The following MRPS23 variants were observed in gnomAD, a reference collection of about 807,000 sequenced individuals.
MRPS23 encodes the protein mitochondrial ribosomal protein S23, also known as small ribosomal subunit protein mS23.
Under a neutral mutation model 19.8 loss-of-function variants are expected in MRPS23, and 14 were observed. That is an observed-to-expected ratio of 0.71 (90% confidence interval 0.47 to 1.11). The LOEUF is 1.11. Ranked by LOEUF, MRPS23 falls within the 50% of genes least tolerant of loss-of-function variation. The pLI is 0.00. For missense variants in MRPS23, 242 were observed against 236.7 expected (o/e 1.02, Z -0.15); for synonymous variants, 113 against 89.7 (o/e 1.26, Z -1.47).
At chr17:57,843,959 T>C (rs748572655) in intron 2 of MRPS23, among the ~76,000 whole-genome samples, 2 of 152,164 alleles carry the variant, frequency 1.3e-5, no homozygotes, top group Non-Finnish European at 2.9e-5. Flanking sequence ...TATTTTCTTT[T>C]TATGGCTTCT....
intron 2 of MRPS23, among the ~76,000 whole-genome samples, chr17:57,842,434 C>G (rs1383082726): frequency 6.6e-6 from 1 of 152,228 alleles, no homozygotes; most frequent in African/African-American, 2.4e-5. Context: ...GGCACTGTAT[C>G]TGAGCAGTCA....
intron 1 of MRPS23, 76 bp from the exon 2 acceptor site, chr17:57,849,486 T>G: frequency 1.3e-6 from 2 of 1,544,114 alleles, no homozygotes; most frequent in Non-Finnish European, 1.8e-6. Flanking sequence ...TAGCACAGTT[T>G]GGGACATTAA....
chr17:57,849,455 G>A (rs1225631720), intron 1 of MRPS23, 45 bp from the exon 2 acceptor site: 2 of 1,599,924 alleles, frequency 1.3e-6, no homozygotes, highest in Non-Finnish European at 1.7e-6. Flanking sequence ...GCAGTAGCCT[G>A]CCAAAGCCCC....
At chr17:57,840,773 A>T in intron 4 of MRPS23, 153 bp downstream of exon 4, 1 of 800,764 alleles carries the variant, frequency 1.2e-6, no homozygotes. Flanking sequence ...ATGGGAGGAT[A>T]TGTGTAGGTT....
intron 4 of MRPS23, among the ~76,000 whole-genome samples, chr17:57,840,300 T>C (rs951831730): frequency 6.6e-6 from 1 of 150,476 alleles, no homozygotes; most frequent in Admixed American, 6.7e-5. Context: ...GGCAGGAGAA[T>C]GGCATGAACC....
chr17:57,840,928 T>A lies in MRPS23; in HGVS notation c.418A>T (p.Thr140Ser), dbSNP rs764151337. The A allele has an allele frequency of 1.2e-6, 2 of 1,614,096 alleles. No individual in the cohort carries two copies. Among genetic ancestry groups the A allele is most frequent in the South Asian group, 2.2e-5 (2 of 91,058 alleles). ...VILRRVGEAR[T>S]QHGGSHVSRK... is the part of the protein sequence containing the mutation. ...AATTTTAACAATGAAATACTCACAG[T>A]CCTTGCTTCGCCTACTCGTCTTAAA... The change falls in exon 4 of 5, where the codon ACT becomes TCT. Residue 140 changes from threonine (T) to serine (S), a missense_variant and splice_region_variant. Transcript: ENST00000313608.
chr17:57,846,563 T>A (rs1275670321), intron 2 of MRPS23, among the ~76,000 whole-genome samples: 1 of 152,218 alleles, frequency 6.6e-6, no homozygotes, highest in East Asian at 1.9e-4. Flanking sequence ...CATTTTGTTC[T>A]GTACTAAGAA....
intron 1 of MRPS23, 50 bp downstream of exon 1, chr17:57,849,917 C>G (rs1209082263): frequency 6.4e-7 from 1 of 1,560,968 alleles, no homozygotes; most frequent in African/African-American, 1.4e-5. Context: ...CGGCTGAGAA[C>G]CCCAGCCTGG....
intron 2 of MRPS23, among the ~76,000 whole-genome samples, chr17:57,844,177 T>C (rs1452134211): frequency 6.6e-6 from 1 of 150,920 alleles, no homozygotes; most frequent in Admixed American, 6.6e-5. Context: ...CAGGCTGTTG[T>C]GAGTGCAGTG....
rs1383995865 is a variant in MRPS23, at chr17:57,835,761, A to G, written c.*4022T>C. On this transcript the variant is annotated 3_prime_UTR_variant, in exon 5 of 5. Transcript: ENST00000313608. ...TACTGTGACAGGCACAGGGTCACAT[A>G]GTAAAAACTGCCTGGAGTATCCAGA... 1 of 152,216 alleles carries G rather than the reference A, an allele frequency of 6.6e-6. No homozygotes were observed. Among genetic ancestry groups the G allele is most frequent in the East Asian group, 1.9e-4 (1 of 5,200 alleles). The allele number at this position is 152,216 out of a possible 1,614,324, so 9.4% of individuals were successfully genotyped here.
At position 57,843,938 on chromosome 17, in the gene MRPS23, G is replaced by T. The variant is rs925492674; in HGVS notation, c.216-2678C>A. 1.3e-5 allele frequency among the ~76,000 whole-genome samples: 2 copies of T among 152,026 alleles called. 1 individual carries two copies. Among genetic ancestry groups the T allele is most frequent in the African/African-American group, 4.8e-5 (2 of 41,412 alleles). Reference sequence around the variant, plus strand: ...TTTGCTTACAGTACTTTTTTATACAGAAAATTTTAATATTTTCTTTTTATG... The same window carrying T: ...TTTGCTTACAGTACTTTTTTATACATAAAATTTTAATATTTTCTTTTTATG... On this transcript the variant is annotated intron_variant, in intron 2 of 4. Coordinates refer to ENST00000313608, the MANE Select transcript of MRPS23 (RefSeq NM_016070.4).
At chr17:57,842,315 A>C (rs2073744597) in intron 2 of MRPS23, among the ~76,000 whole-genome samples, 1 of 152,220 alleles carries the variant, frequency 6.6e-6, no homozygotes, top group Admixed American at 6.5e-5. Flanking sequence ...TCCCCAGCCC[A>C]CATTTAACAT....
intron 1 of MRPS23, 173 bp downstream of exon 1, chr17:57,849,794 A>G (rs2073800088): frequency 1.3e-6 from 1 of 750,174 alleles, no homozygotes; most frequent in Non-Finnish European, 2.1e-6. Context: ...AGGCATCCTC[A>G]GGCACAACTA....
At chr17:57,848,447 T>C (rs1007530303) in intron 2 of MRPS23, among the ~76,000 whole-genome samples, 6 of 151,952 alleles carry the variant, frequency 3.9e-5, no homozygotes, top group African/African-American at 1.5e-4. Flanking sequence ...GGATCTCGGC[T>C]CACTGCAACC....
At chr17:57,847,700 C>CTT (rs113062081) in intron 2 of MRPS23, among the ~76,000 whole-genome samples, 3 of 140,776 alleles carry the variant, frequency 2.1e-5, no homozygotes, top group Non-Finnish European at 3.1e-5. Context: ...AAAAACAAAA[C>CTT]TTTTTTTTTT....
rs1194143183 is a variant in MRPS23 at position 57,841,144 on chromosome 17, AAAT to A, written c.293+36_293+38del. ...TCAAATGGATAACAAAATCCTTAAAAAATAATATGAATAGCCTAGGACTTATAA... is the reference window on the plus strand; with the variant it reads ...TCAAATGGATAACAAAATCCTTAAAAAATATGAATAGCCTAGGACTTATAA... On this transcript the variant is annotated intron_variant, in intron 3 of 4. Transcript: ENST00000313608. 1.9e-6 allele frequency: 3 copies of A among 1,609,374 alleles called. No individual in the cohort carries two copies. In the African/African-American group the frequency reaches 4.0e-5, roughly 22 times the overall value.
At chr17:57,847,149 C>T (rs1429130661) in intron 2 of MRPS23, among the ~76,000 whole-genome samples, 1 of 150,580 alleles carries the variant, frequency 6.6e-6, no homozygotes, top group African/African-American at 2.4e-5. Flanking sequence ...ACAAATTAGC[C>T]AGGCATGGTG....
chr17:57,840,814 G>A (rs1044486350), intron 4 of MRPS23, 112 bp downstream of exon 4: 5 of 1,392,734 alleles, frequency 3.6e-6, no homozygotes, highest in Middle Eastern at 3.7e-4. Context: ...TTTATAAAAG[G>A]TATTTCAGCA....
rs1007035468 is a variant in MRPS23, at chr17:57,834,940, T to C, written c.*4843A>G. 3.9e-5 allele frequency: 6 copies of C among 152,198 alleles called. No homozygotes were observed. Among genetic ancestry groups the C allele is most frequent in the Non-Finnish European group, 8.8e-5 (6 of 68,036 alleles). 9.4% of individuals were successfully genotyped at this position (152,198 alleles called of 1,614,324 possible). A position where few individuals can be genotyped will look rare whatever the true frequency, so the allele number is the denominator to read the frequency against. On this transcript the variant is annotated 3_prime_UTR_variant, in exon 5 of 5. Transcript: ENST00000313608. The stretch of plus-strand genomic sequence containing the variant: ...AACTACAAGAAGAATCAGGCTAGCC[T>C]TTTAAGGACATCATCAAAAATCAGG...
Sources: allele counts gnomAD v4.1 joint callset (sites outside exome capture counted in the v4.1 genomes callset), GRCh38; gene constraint gnomAD v4.1.1; transcripts MANE v1.5; gene names NCBI Gene and HGNC (gene_info 2026-07-23, HGNC 2026-07-21).